The following ZFAND3 variants were observed in gnomAD, a reference collection of about 807,000 sequenced individuals.
ZFAND3 encodes AN1-type zinc finger protein 3.
ZFAND3 carries 10 observed loss-of-function variants against 29.6 expected under a neutral mutation model. The ratio of observed to expected loss-of-function variants is 0.34; its 90% CI spans 0.21 to 0.57. The LOEUF (loss-of-function observed/expected upper bound fraction) is 0.57. Ranked by LOEUF, ZFAND3 falls within the 20% of genes least tolerant of loss-of-function variation. The probability of loss-of-function intolerance (pLI) is 0.86; values close to 1 mark genes in which losing one functional copy is unlikely to be tolerated. For synonymous variants in ZFAND3, 128 were observed against 112.6 expected (o/e 1.14, Z -0.87); for missense variants, 230 against 304.5 (o/e 0.76, Z 1.82).
intron 1 of ZFAND3, among the ~76,000 whole-genome samples, chr6:37,917,343 C>T (rs1761279215): frequency 6.6e-6 from 1 of 152,186 alleles, no homozygotes; most frequent in South Asian, 2.1e-4. Context: ...TCAAGCTAAG[C>T]CCTTTCTTCC....
At chr6:37,983,617 C>T (rs910768439) in intron 2 of ZFAND3, among the ~76,000 whole-genome samples, 3 of 152,134 alleles carry the variant, frequency 2.0e-5, no homozygotes, top group Non-Finnish European at 4.4e-5. Flanking sequence ...CCTTGACCTC[C>T]CAAAGTGCTG....
intron 1 of ZFAND3, among the ~76,000 whole-genome samples, chr6:37,844,240 T>TTGTC (rs1209089847): frequency 1.3e-5 from 2 of 150,346 alleles, no homozygotes; most frequent in Non-Finnish European, 3.0e-5. Flanking sequence ...GATTGATTCT[T>TTGTC]TGTCTGTCTG....
At chr6:37,916,044 C>T (rs1306453273) in intron 1 of ZFAND3, among the ~76,000 whole-genome samples, 3 of 149,526 alleles carry the variant, frequency 2.0e-5, no homozygotes, top group African/African-American at 7.4e-5. Context: ...GCTGGGATTA[C>T]AGGCATGAGC....
chr6:38,116,128 TA>T (rs1167299821), intron 4 of ZFAND3, among the ~76,000 whole-genome samples: 12 of 152,350 alleles, frequency 7.9e-5, no homozygotes, highest in African/African-American at 2.9e-4. Flanking sequence ...GATACAGAGA[TA>T]CATTAGACAT....
Position 38,110,503 on chromosome 6 carries a change from G to A in ZFAND3, c.362-6069G>A, listed in dbSNP as rs541124011. Among the ~76,000 whole-genome samples the A allele has an allele frequency of 2.0e-5, 3 of 152,132 alleles. No individual in the cohort carries two copies. The South Asian group carries it at 6.2e-4, about 32-fold the overall frequency. ...CCAGTGAGAGTGTGGTATTTTTCGT[G>A]GACAAAGGTTTTACCAGCTAAAAGC... On this transcript the variant is annotated intron_variant, in intron 4 of 5. Transcript: ENST00000287218.
chr6:38,143,650 CT>C (rs1245519509), intron 5 of ZFAND3, among the ~76,000 whole-genome samples: 12 of 152,342 alleles, frequency 7.9e-5, no homozygotes, highest in Admixed American at 7.2e-4. Context: ...AGTTTTCCTT[CT>C]CTTTGAAAAG....
intron 1 of ZFAND3, among the ~76,000 whole-genome samples, chr6:37,897,512 A>G (rs547257275): frequency 1.3e-5 from 2 of 152,286 alleles, no homozygotes; most frequent in African/African-American, 4.8e-5. Context: ...TCAGCTTCGT[A>G]TTTCAAGAGT....
chr6:37,916,707 C>G (rs1168766285), intron 1 of ZFAND3, among the ~76,000 whole-genome samples: 1 of 152,112 alleles, frequency 6.6e-6, no homozygotes, highest in Non-Finnish European at 1.5e-5. Flanking sequence ...AGTGGTCTCC[C>G]TTTATCCATG....
intron 5 of ZFAND3, among the ~76,000 whole-genome samples, chr6:38,129,103 A>G (rs928412664): frequency 6.6e-6 from 1 of 151,874 alleles, no homozygotes; most frequent in Non-Finnish European, 1.5e-5. Context: ...ATTTTTTCAT[A>G]TGTTTGTTTG....
intron 1 of ZFAND3, among the ~76,000 whole-genome samples, chr6:37,847,489 G>A (rs1353345609): frequency 3.3e-5 from 5 of 152,078 alleles, no homozygotes; most frequent in Non-Finnish European, 7.4e-5. Context: ...CATGAGAATC[G>A]CTTGAACCCA....
intron 1 of ZFAND3, among the ~76,000 whole-genome samples, chr6:37,914,235 T>A (rs1761189595): frequency 6.6e-6 from 1 of 152,186 alleles, no homozygotes; most frequent in Admixed American, 6.5e-5. Flanking sequence ...TGAGCAGTAG[T>A]TCTTAACAGT....
At chr6:37,977,118 G>T (rs1487066145) in intron 2 of ZFAND3, among the ~76,000 whole-genome samples, 1 of 152,116 alleles carries the variant, frequency 6.6e-6, no homozygotes, top group Non-Finnish European at 1.5e-5. Flanking sequence ...GTAGGCAATT[G>T]TAACACAATG....
chr6:37,967,088 A>G (rs1762306265), intron 2 of ZFAND3, among the ~76,000 whole-genome samples: 1 of 152,208 alleles, frequency 6.6e-6, no homozygotes, highest in South Asian at 2.1e-4. Flanking sequence ...TTAGGGTGAT[A>G]TCTGCTGGGC....
At chr6:38,082,647 C>G (rs1764686456) in intron 4 of ZFAND3, among the ~76,000 whole-genome samples, 190 bp downstream of exon 4, 1 of 152,030 alleles carries the variant, frequency 6.6e-6, no homozygotes, top group African/African-American at 2.4e-5. Context: ...GTCAGATTGA[C>G]TGAGTAAATG....
chr6:38,153,037 A>G lies in ZFAND3; in HGVS notation c.*648A>G. The G allele has an allele frequency of 2.0e-6, 2 of 985,642 alleles. No homozygotes were observed. Among genetic ancestry groups the G allele is most frequent in the Non-Finnish European group, 2.4e-6 (2 of 829,912 alleles). The allele number at this position is 985,642 out of a possible 1,614,324, so 61.1% of individuals were successfully genotyped here. A position where few individuals can be genotyped will look rare whatever the true frequency, so the allele number is the denominator to read the frequency against. ...TCATCACACAAGAAGAGAAACAGTAACCTCACTTTGAAAATTAGCTCCACT... is the reference window on the plus strand; with the variant it reads ...TCATCACACAAGAAGAGAAACAGTAGCCTCACTTTGAAAATTAGCTCCACT... On this transcript the variant is annotated 3_prime_UTR_variant, in exon 6 of 6. Transcript: ENST00000287218.
chr6:37,828,582 A>T (rs917863276), intron 1 of ZFAND3, among the ~76,000 whole-genome samples: 1 of 152,210 alleles, frequency 6.6e-6, no homozygotes, highest in Non-Finnish European at 1.5e-5. Flanking sequence ...GGTGATTTCA[A>T]TGTGAGTTGC....
chr6:37,976,729 T>C (rs1407466093), intron 2 of ZFAND3, among the ~76,000 whole-genome samples: 2 of 151,940 alleles, frequency 1.3e-5, no homozygotes, highest in African/African-American at 2.4e-5. Context: ...AAGTGAGGCA[T>C]GTCTTACATG....
intron 2 of ZFAND3, among the ~76,000 whole-genome samples, chr6:37,962,378 A>G (rs192610643): frequency 2.6e-5 from 4 of 152,314 alleles, no homozygotes; most frequent in Non-Finnish European, 5.9e-5. Flanking sequence ...CAAATCTAAG[A>G]GTTACTGGGC....
chr6:37,994,327 C>T (rs1238952712), intron 2 of ZFAND3, among the ~76,000 whole-genome samples: 1 of 152,152 alleles, frequency 6.6e-6, no homozygotes, highest in Non-Finnish European at 1.5e-5. Flanking sequence ...AGAATGGCTT[C>T]TACTCACAAT....
Sources: gnomAD v4.1 joint callset for allele counts (sites outside exome capture counted in the v4.1 genomes callset) on GRCh38, gnomAD v4.1.1 for gene constraint, MANE v1.5 for transcripts, NCBI Gene and HGNC (gene_info 2026-07-23, HGNC 2026-07-21) for gene names.